The following SNX29 variants were observed in gnomAD, a reference collection of about 807,000 sequenced individuals.
SNX29 encodes the protein sorting nexin-29.
In SNX29, 78 loss-of-function variants were observed where a neutral mutation model predicts 102.1. That is an observed-to-expected ratio of 0.76 (90% confidence interval 0.64 to 0.92). The LOEUF (loss-of-function observed/expected upper bound fraction) is 0.92, where lower values mean the gene tolerates loss of function less well. Ranked by LOEUF, SNX29 falls within the 40% of genes least tolerant of loss-of-function variation. SNX29 has a pLI of 0.00. For missense variants in SNX29, 1,280 were observed against 1,061.7 expected, an observed-to-expected ratio of 1.21 and a Z score of -2.86; for synonymous variants, 580 against 414.5, an observed-to-expected ratio of 1.40 and a Z score of -4.85.
rs533837368 is a variant in SNX29 at position 12,571,052 on chromosome 16, T to A, written c.*2423T>A. The A allele has an allele frequency of 4.7e-4, 109 of 232,624 alleles. 1 individual carries two copies. The highest frequency in any genetic ancestry group is 2.1e-3 in the African/African-American group (97 of 45,414). 14.4% of individuals were successfully genotyped at this position (232,624 alleles called of 1,614,324 possible). ...AGACCATCTCCTCTCATTCTCACTC[T>A]AAAAATGCTGGTGGCCCGCACATGA... On this transcript the variant is annotated 3_prime_UTR_variant, in exon 21 of 21. Transcript: ENST00000566228.
chr16:12,330,642 G>A (rs1406071072), intron 15 of SNX29, among the ~76,000 whole-genome samples: 4 of 152,220 alleles, frequency 2.6e-5, no homozygotes, highest in Non-Finnish European at 5.9e-5. Flanking sequence ...TGCAGGCAGC[G>A]GAGCCAGGCG....
At chr16:12,149,484 G>A (rs999129590) in intron 13 of SNX29, among the ~76,000 whole-genome samples, 12 of 152,112 alleles carry the variant, frequency 7.9e-5, no homozygotes, top group Non-Finnish European at 1.3e-4. Flanking sequence ...TTTGTTACCC[G>A]GGGTCATGAG....
intron 11 of SNX29, among the ~76,000 whole-genome samples, chr16:12,083,558 A>G (rs1355759893): frequency 4.6e-5 from 7 of 152,114 alleles, no homozygotes; most frequent in African/African-American, 2.4e-5. Flanking sequence ...TGATTACCTC[A>G]TTAAGGCCTT....
At chr16:12,561,996 G>A (rs1395509345) in intron 20 of SNX29, among the ~76,000 whole-genome samples, 1 of 152,160 alleles carries the variant, frequency 6.6e-6, no homozygotes, top group Non-Finnish European at 1.5e-5. Context: ...GGTGACAATG[G>A]ACCCTGCAAC....
At chr16:12,352,692 C>A (rs1420411272) in intron 15 of SNX29, among the ~76,000 whole-genome samples, 1 of 152,220 alleles carries the variant, frequency 6.6e-6, no homozygotes, top group African/African-American at 2.4e-5. Context: ...CTTCTGCTGG[C>A]TAGGTGGTGT....
At chr16:12,149,806 G>C (rs907068973) in intron 13 of SNX29, among the ~76,000 whole-genome samples, 1 of 152,202 alleles carries the variant, frequency 6.6e-6, no homozygotes, top group Non-Finnish European at 1.5e-5. Context: ...ATCATCCTAT[G>C]ATCTTTACCA....
At chr16:12,387,864 A>G (rs1010238612) in intron 16 of SNX29, among the ~76,000 whole-genome samples, 2 of 152,154 alleles carry the variant, frequency 1.3e-5, no homozygotes, top group Non-Finnish European at 2.9e-5. Context: ...GGGATGTGGC[A>G]TTCTTTCTTG....
chr16:12,519,221 CAGTT>C (rs2089998008), intron 19 of SNX29, among the ~76,000 whole-genome samples: 2 of 152,020 alleles, frequency 1.3e-5, no homozygotes, highest in South Asian at 2.2e-4. Context: ...CTGTGGGTCA[CAGTT>C]AGTCTGTGGA....
chr16:12,393,214 G>A (rs2083593050), intron 16 of SNX29, among the ~76,000 whole-genome samples: 1 of 152,142 alleles, frequency 6.6e-6, no homozygotes, highest in Non-Finnish European at 1.5e-5. Context: ...TTGGAGCAGT[G>A]AATCTGAGAA....
At chr16:11,988,897 G>A (rs1378028448) in intron 1 of SNX29, among the ~76,000 whole-genome samples, 1 of 152,202 alleles carries the variant, frequency 6.6e-6, no homozygotes, top group Non-Finnish European at 1.5e-5. Flanking sequence ...AACTGTGACA[G>A]AGAGTGTATG....
rs761839518 is a variant in SNX29 at position 12,571,588 on chromosome 16, G to C, written c.*2959G>C. On this transcript the variant is annotated 3_prime_UTR_variant, in exon 21 of 21. Coordinates refer to ENST00000566228, the MANE Select transcript of SNX29 (RefSeq NM_032167.5). ...TCCTTCTGTCTTCATGGCCTGCTGT[G>C]CTGAAACAGAACAGCAGGTTCCATC... 6.7e-6 allele frequency: 7 copies of C among 1,052,612 alleles called. No homozygotes were observed. Among genetic ancestry groups the C allele is most frequent in the Non-Finnish European group, 8.1e-6 (7 of 868,704 alleles). The allele number at this position is 1,052,612 out of a possible 1,614,324, so 65.2% of individuals were successfully genotyped here. A position where few individuals can be genotyped will look rare whatever the true frequency, so the allele number is the denominator to read the frequency against.
At chr16:12,124,141 A>T (rs2054103208) in intron 11 of SNX29, among the ~76,000 whole-genome samples, 1 of 152,182 alleles carries the variant, frequency 6.6e-6, no homozygotes, top group Non-Finnish European at 1.5e-5. Context: ...GTGGATCATG[A>T]GGTCAGGAGT....
At chr16:12,470,020 A>C (rs1258832652) in intron 18 of SNX29, among the ~76,000 whole-genome samples, 1 of 152,216 alleles carries the variant, frequency 6.6e-6, no homozygotes, top group Non-Finnish European at 1.5e-5. Flanking sequence ...TCTCAAAAAA[A>C]TAAAATAAAT....
chr16:12,249,516 G>T (rs1037779365), intron 14 of SNX29, among the ~76,000 whole-genome samples: 18 of 152,194 alleles, frequency 1.2e-4, no homozygotes, highest in Admixed American at 9.2e-4. Context: ...CCCAGGAGGT[G>T]GGGTTCATTC....
intron 16 of SNX29, among the ~76,000 whole-genome samples, chr16:12,356,490 C>T (rs181876996): frequency 1.3e-5 from 2 of 152,262 alleles, no homozygotes; most frequent in African/African-American, 4.8e-5. Context: ...TTTCCTGTTT[C>T]TCCTTCTAGT....
intron 18 of SNX29, among the ~76,000 whole-genome samples, chr16:12,461,286 G>T (rs1416677153): frequency 6.6e-6 from 1 of 152,172 alleles, no homozygotes; most frequent in Non-Finnish European, 1.5e-5. Flanking sequence ...ATAAACATTG[G>T]GTGAACTTCA....
intron 8 of SNX29, among the ~76,000 whole-genome samples, chr16:12,058,165 A>G (rs2050597641): frequency 6.6e-6 from 1 of 152,082 alleles, no homozygotes; most frequent in Non-Finnish European, 1.5e-5. Context: ...AAAACTCAAC[A>G]TTTTGCTTCA....
chr16:12,567,607 A>G (rs533290093), intron 20 of SNX29, among the ~76,000 whole-genome samples: 1 of 152,070 alleles, frequency 6.6e-6, no homozygotes, highest in Non-Finnish European at 1.5e-5. Flanking sequence ...ATCTCTACAA[A>G]AAATTACACT....
chr16:12,452,349 GCAC>G (rs1404998258), intron 18 of SNX29, among the ~76,000 whole-genome samples: 12 of 19,044 alleles, frequency 6.3e-4, no homozygotes, highest in Non-Finnish European at 8.3e-5. Context: ...GTCTCACAAT[GCAC>G]AGGACAGCTC....
Sources: gnomAD v4.1 joint callset for allele counts (sites outside exome capture counted in the v4.1 genomes callset) on GRCh38, gnomAD v4.1.1 for gene constraint, MANE v1.5 for transcripts, NCBI Gene and HGNC (gene_info 2026-07-23, HGNC 2026-07-21) for gene names.